Variants in GAL3ST1 observed in about 807,000 individuals in gnomAD.
GAL3ST1 encodes the protein galactose-3-O-sulfotransferase 1, also known as galactosylceramide sulfotransferase.
Under a neutral mutation model 25.0 loss-of-function variants are expected in GAL3ST1, and 13 were observed. The ratio of observed to expected loss-of-function variants is 0.52; its 90% CI spans 0.34 to 0.83. GAL3ST1 has a LOEUF of 0.83. Ranked by LOEUF, GAL3ST1 falls within the 40% of genes least tolerant of loss-of-function variation. GAL3ST1 has a pLI of 0.02. For missense variants in GAL3ST1, 474 were observed against 613.6 expected (o/e 0.77, Z 2.40); for synonymous variants, 274 against 277.8 (o/e 0.99, Z 0.14).
In GAL3ST1 at chr22:30,573,162, T is replaced by C. The variant is rs770217537; in HGVS notation, c.-120+1304A>G. Among the ~76,000 whole-genome samples the C allele has an allele frequency of 5.6e-4, 85 of 152,056 alleles. 1 individual carries two copies. Among genetic ancestry groups the C allele is most frequent in the Non-Finnish European group, 1.0e-4 (7 of 67,998 alleles). ...AGCAGCCTGCTCACCCGCTGAAGTG[T>C]CAGGCGGAGCTGGGAGCCAGGGAGG... On this transcript the variant is annotated intron_variant, in intron 1 of 3. Transcript: ENST00000406361.
chr22:30,560,992 T>C (rs887320816), intron 1 of GAL3ST1, among the ~76,000 whole-genome samples: 1 of 152,202 alleles, frequency 6.6e-6, no homozygotes, highest in African/African-American at 2.4e-5. Flanking sequence ...TTGCCCAGGC[T>C]GGAGTGCAGT....
intron 1 of GAL3ST1, among the ~76,000 whole-genome samples, chr22:30,561,170 C>G (rs2086388291): frequency 6.6e-6 from 1 of 152,230 alleles, no homozygotes; most frequent in South Asian, 2.1e-4. Flanking sequence ...TCTCAAACTC[C>G]TGACTTCAAG....
intron 1 of GAL3ST1, among the ~76,000 whole-genome samples, chr22:30,573,546 C>T (rs968739291): frequency 6.6e-6 from 1 of 152,196 alleles, no homozygotes; most frequent in Non-Finnish European, 1.5e-5. Flanking sequence ...CAGGTCACCC[C>T]GTCAGTAAAG....
chr22:30,563,433 T>C (rs1447984248), intron 1 of GAL3ST1, among the ~76,000 whole-genome samples: 1 of 151,842 alleles, frequency 6.6e-6, no homozygotes, highest in Non-Finnish European at 1.5e-5. Flanking sequence ...CTGACCAACA[T>C]GGCAAGACCT....
At chr22:30,561,440 C>T (rs2086404645) in intron 1 of GAL3ST1, among the ~76,000 whole-genome samples, 2 of 152,214 alleles carry the variant, frequency 1.3e-5, no homozygotes, top group South Asian at 4.1e-4. Context: ...ACTCCACCCC[C>T]CACCCTGCTG....
chr22:30,562,430 C>T (rs1282043485), intron 1 of GAL3ST1, among the ~76,000 whole-genome samples: 2 of 152,288 alleles, frequency 1.3e-5, no homozygotes, highest in East Asian at 3.9e-4. Context: ...CCCACCTCCA[C>T]CTCCCAAAGT....
chr22:30,573,512 A>T (rs1425060434), intron 1 of GAL3ST1, among the ~76,000 whole-genome samples: 27 of 152,174 alleles, frequency 1.8e-4, no homozygotes. Context: ...GTGGGCCTGG[A>T]TGAGCCTCAC....
At position 30,555,527 on chromosome 22, in the gene GAL3ST1, G is replaced by T; in HGVS notation, c.698C>A (p.Pro233Gln). Residue 233 changes from proline to glutamine, a missense_variant, in exon 4 of 4, where the codon CCG becomes CAG. Physicochemically the swap from Pro to Gln is moderately conservative, Grantham distance 76 (BLOSUM62 -1). Coordinates refer to ENST00000406361, the MANE Select transcript of GAL3ST1 (RefSeq NM_001318104.2). The surrounding 1 kb of genome is among the most constrained non-coding windows in gnomAD (Gnocchi z 8.6). ...GYDNSLDPSS[P>Q]QVQEHILEVE... Reference sequence around the variant, plus strand: ...CTCCAGGATGTGCTCCTGCACCTGCGGGCTGCTGGGGTCCAGGCTGTTGTC... The same window carrying T: ...CTCCAGGATGTGCTCCTGCACCTGCTGGCTGCTGGGGTCCAGGCTGTTGTC... 1 of 1,613,660 alleles carries T rather than the reference G, an allele frequency of 6.2e-7. No homozygotes were observed. Among genetic ancestry groups the T allele is most frequent in the Non-Finnish European group, 8.5e-7 (1 of 1,179,970 alleles).
At position 30,559,920 on chromosome 22, in the gene GAL3ST1, G is replaced by A. The variant is rs12628608; in HGVS notation, c.-119-1532C>T. Among the ~76,000 whole-genome samples, 2,128 of 152,334 alleles carry A rather than the reference G, an allele frequency of 0.014. 69 individuals carry two copies. The East Asian group carries it at 0.14, about 10-fold the overall frequency. ...ACTGCACTGCGCCCTGGGCCCCTGA[G>A]GCCAGGAAAAGTCACATGTGCTAAT... On this transcript the variant is annotated intron_variant, in intron 1 of 3. Transcript: ENST00000406361.
chr22:30,570,730 G>A (rs1370046941), intron 1 of GAL3ST1, among the ~76,000 whole-genome samples: 1 of 151,594 alleles, frequency 6.6e-6, no homozygotes, highest in East Asian at 1.9e-4. Flanking sequence ...AGGTTGCAAT[G>A]AGCCAATATC....
At chr22:30,560,434 G>A (rs1302152812) in intron 1 of GAL3ST1, 2 of 152,136 alleles carry the variant, frequency 1.3e-5, no homozygotes, top group African/African-American at 4.8e-5. Flanking sequence ...CAAGCAACCA[G>A]CACATAGTCA....
chr22:30,569,615 C>T (rs1224251110), intron 1 of GAL3ST1, among the ~76,000 whole-genome samples: 1 of 150,970 alleles, frequency 6.6e-6, no homozygotes, highest in African/African-American at 2.4e-5. Context: ...AAGAGGTAGG[C>T]GGGGAGCTGG....
chr22:30,570,247 G>A (rs776582284), intron 1 of GAL3ST1, among the ~76,000 whole-genome samples: 10 of 152,196 alleles, frequency 6.6e-5, no homozygotes, highest in Non-Finnish European at 1.0e-4. Flanking sequence ...GGATATGGAA[G>A]GAGCTTTCAA....
chr22:30,557,772 A>C, intron 2 of GAL3ST1: 2 of 146,596 alleles, frequency 1.4e-5, no homozygotes, highest in Non-Finnish European at 1.4e-5. Flanking sequence ...AAATGAGACA[A>C]CTAATACTTA....
At position 30,570,977 on chromosome 22, in the gene GAL3ST1, T is replaced by TACACACAC. The variant is rs67031445; in HGVS notation, c.-120+3481_-120+3488dup. ...GGAACATATTTTGATTCTGTGATGA[T>TACACACAC]ACACACACACACACACACACACACA... On this transcript the variant is annotated intron_variant, in intron 1 of 3. Transcript: ENST00000406361. 4.8e-3 allele frequency among the ~76,000 whole-genome samples: 697 copies of TACACACAC among 146,178 alleles called. 7 individuals carry two copies. Among genetic ancestry groups the TACACACAC allele is most frequent in the East Asian group, 0.042 (204 of 4,904 alleles).
chr22:30,569,503 G>GTCTGGTTCTGTTT (rs1301285429), intron 1 of GAL3ST1, among the ~76,000 whole-genome samples: 1 of 152,030 alleles, frequency 6.6e-6, no homozygotes, highest in Non-Finnish European at 1.5e-5. Flanking sequence ...AGCAGGTGGT[G>GTCTGGTTCTGTTT]TCTGGTTCTG....
At chr22:30,558,847 G>A (rs904094398) in intron 1 of GAL3ST1, among the ~76,000 whole-genome samples, 2 of 152,082 alleles carry the variant, frequency 1.3e-5, no homozygotes, top group Non-Finnish European at 2.9e-5. Flanking sequence ...ATATTGCATG[G>A]GACATAGTTA....
rs1449052912 is a variant in GAL3ST1 at position 30,558,407 on chromosome 22, CAAAT to C, written c.-119-23_-119-20del. The C allele has an allele frequency of 2.6e-5, 4 of 152,084 alleles. No homozygotes were observed. Among genetic ancestry groups the C allele is most frequent in the Non-Finnish European group, 5.9e-5 (4 of 68,050 alleles). The allele number at this position is 152,084 out of a possible 1,614,324, so 9.4% of individuals were successfully genotyped here. On this transcript the variant is annotated intron_variant, in intron 1 of 3. Transcript: ENST00000406361. ...TGAGACCCTGTCTCAAATAAATAAA[CAAAT>C]AAATAAGAAGGAAAAGAAGACCCTC...
At position 30,557,399 on chromosome 22, in the gene GAL3ST1, C is replaced by T. The variant is rs763108641; in HGVS notation, c.-7G>A. 5.6e-6 allele frequency: 9 copies of T among 1,614,006 alleles called. No homozygotes were observed. The highest frequency in any genetic ancestry group is 5.3e-5 in the African/African-American group (4 of 74,950). ...TCTTCTGCGGTGGCAGCATCTCAGA[C>T]ACCTGCAGGGGCAGCACAGAGTAGG... On this transcript the variant is annotated splice_region_variant and 5_prime_UTR_variant, in exon 3 of 4. Coordinates refer to ENST00000406361, the MANE Select transcript of GAL3ST1 (RefSeq NM_001318104.2).
Sources: allele counts gnomAD v4.1 joint callset (sites outside exome capture counted in the v4.1 genomes callset), GRCh38; gene constraint gnomAD v4.1.1; non-coding constraint Gnocchi (gnomAD v3.1); transcripts MANE v1.5; gene names NCBI Gene and HGNC (gene_info 2026-07-23, HGNC 2026-07-21).